DICER1: variants seen among roughly 807,000 people sequenced by gnomAD.
DICER1 encodes dicer 1, ribonuclease III.
Under a neutral mutation model 194.1 loss-of-function variants are expected in DICER1, and 43 were observed. The observed-to-expected ratio is 0.22, with a 90% CI of 0.17 to 0.29. The LOEUF (loss-of-function observed/expected upper bound fraction) is 0.29, where lower values mean the gene tolerates loss of function less well. Ranked by LOEUF, DICER1 falls within the 10% of genes least tolerant of loss-of-function variation. The pLI, the probability that DICER1 is intolerant of heterozygous loss-of-function variation, is 1.00. For synonymous variants in DICER1, 832 were observed against 820.5 expected, an observed-to-expected ratio of 1.01 and a Z score of -0.24; for missense variants, 1,608 against 2,317.0, an observed-to-expected ratio of 0.69 and a Z score of 6.28.
chr14:95,108,123 C>A, intron 15 of DICER1, 30 bp from the exon 16 acceptor site: 1 of 1,514,842 alleles, frequency 6.6e-7, no homozygotes. Context: ...AAGCACCCCT[C>A]AAAATTAACA....
intron 9 of DICER1, among the ~76,000 whole-genome samples, chr14:95,117,103 T>C (rs773939313): frequency 2.6e-5 from 4 of 152,174 alleles, no homozygotes; most frequent in Non-Finnish European, 5.9e-5. Context: ...AGCCAGACCA[T>C]GGTATTAGTT....
intron 1 of DICER1, among the ~76,000 whole-genome samples, chr14:95,135,146 T>C (rs953032609): frequency 2.6e-5 from 4 of 152,214 alleles, no homozygotes; most frequent in Non-Finnish European, 5.9e-5. Context: ...GTCCCATCAC[T>C]GACCTTCTCA....
At chr14:95,102,868 C>T (rs1891007717) in intron 21 of DICER1, among the ~76,000 whole-genome samples, 1 of 152,178 alleles carries the variant, frequency 6.6e-6, no homozygotes, top group South Asian at 2.1e-4. Context: ...TTACTCTTCT[C>T]CGCTCCACTC....
At chr14:95,133,926 TAAAAG>T (rs1894166922) in intron 1 of DICER1, among the ~76,000 whole-genome samples, 1 of 152,190 alleles carries the variant, frequency 6.6e-6, no homozygotes, top group African/African-American at 2.4e-5. Context: ...AATAAACCTT[TAAAAG>T]AAAATATGTA....
intron 8 of DICER1, among the ~76,000 whole-genome samples, chr14:95,118,880 G>A (rs189883685): frequency 1.1e-3 from 174 of 151,704 alleles, no homozygotes; most frequent in African/African-American, 3.7e-3. Flanking sequence ...GATCCCAACC[G>A]GCACAACACT....
At chr14:95,094,303 T>C in intron 23 of DICER1, 147 bp from the exon 24 acceptor site, 4 of 1,051,270 alleles carry the variant, frequency 3.8e-6, no homozygotes, top group South Asian at 3.0e-5. Context: ...TGACATATCA[T>C]ACTAAAAAGC....
rs1891383796 is a variant in DICER1 at position 95,105,976 on chromosome 14, T to A, written c.2987+65A>T. The A allele has an allele frequency of 6.4e-7, 1 of 1,550,696 alleles. No homozygotes were observed. Among genetic ancestry groups the A allele is most frequent in the Non-Finnish European group, 8.9e-7 (1 of 1,122,680 alleles). On this transcript the variant is annotated intron_variant, in intron 18 of 26. Coordinates refer to ENST00000343455, the MANE Select transcript of DICER1 (RefSeq NM_177438.3). The surrounding 1 kb of genome is among the most constrained non-coding windows in gnomAD (Gnocchi z 4.9). ...GGCAGGGGGACAGTGAACCTCTGCA[T>A]GTCTAGTGATGTCTGGTAAGAATCC...
At chr14:95,138,840 A>G (rs1894617101) in intron 1 of DICER1, among the ~76,000 whole-genome samples, 1 of 130,686 alleles carries the variant, frequency 7.7e-6, no homozygotes, top group Non-Finnish European at 1.6e-5. Context: ...GGGGGGAGGG[A>G]TAGCATTGGG....
intron 24 of DICER1, among the ~76,000 whole-genome samples, chr14:95,092,185 G>A (rs936264129): frequency 5.9e-5 from 9 of 152,064 alleles, no homozygotes; most frequent in South Asian, 2.1e-4. Flanking sequence ...ATCAATACAC[G>A]GAAAGTCAGC....
In DICER1 at chr14:95,095,882, T is replaced by C. The variant is rs1060503639; in HGVS notation, c.5038A>G (p.Lys1680Glu). ...EKKINYRFKN[K>E]AYLLQAFTHA... ...GTAAAAGCCTGGAGAAGGTAAGCCT[T>C]ATTCTTGAATCTGTAGTTGATTTTC... Residue 1680 changes from lysine to glutamate, a missense_variant, in exon 23 of 27, where the codon AAG becomes GAG. By Grantham distance (56) the Lys-to-Glu change is moderately conservative. Around this residue, in one of 10 missense-constraint regions of DICER1, gnomAD observed 125 missense variants for 134.9 expected, o/e 0.93. Transcript: ENST00000343455. 5 of 1,614,232 alleles carry C rather than the reference T, an allele frequency of 3.1e-6. No individual in the cohort carries two copies. The highest frequency in any genetic ancestry group is 1.7e-6 in the Non-Finnish European group (2 of 1,180,032).
chr14:95,143,986 C>T (rs1348173847), intron 1 of DICER1, among the ~76,000 whole-genome samples: 2 of 152,090 alleles, frequency 1.3e-5, no homozygotes, highest in Non-Finnish European at 2.9e-5. Flanking sequence ...AACAGCCACA[C>T]TGAAAATGAA....
chr14:95,144,973 A>G (rs1895040849), intron 1 of DICER1, among the ~76,000 whole-genome samples: 1 of 152,320 alleles, frequency 6.6e-6, no homozygotes, highest in African/African-American at 2.4e-5. Context: ...TTTTCTACCA[A>G]TGGTTTCCTC....
chr14:95,141,314 A>G (rs1190328590), intron 1 of DICER1: 5 of 152,256 alleles, frequency 3.3e-5, no homozygotes, highest in Non-Finnish European at 5.9e-5. Context: ...ATAATTCAAG[A>G]ACACTGTTAA....
At chr14:95,151,289 T>G (rs1194728942) in intron 1 of DICER1, among the ~76,000 whole-genome samples, 2 of 152,202 alleles carry the variant, frequency 1.3e-5, no homozygotes, top group Non-Finnish European at 2.9e-5. Context: ...TGTAAAATAT[T>G]GTTCTCAAGC....
At chr14:95,157,067 G>C (rs1895937703) in intron 1 of DICER1, among the ~76,000 whole-genome samples, 163 bp downstream of exon 1, 1 of 151,510 alleles carries the variant, frequency 6.6e-6, no homozygotes, top group African/African-American at 2.4e-5. Context: ...TGTGCGGGAC[G>C]ACGAGGCAGG....
At position 95,103,452 on chromosome 14, in the gene DICER1, A is replaced by G. The variant is rs779909779; in HGVS notation, c.3944T>C (p.Leu1315Pro). 4 of 1,614,218 alleles carry G rather than the reference A, an allele frequency of 2.5e-6. No homozygotes were observed. The highest frequency in any genetic ancestry group is 1.1e-5 in the South Asian group (1 of 91,086). Residue 1315 changes from leucine to proline, a missense_variant, in exon 21 of 27, where the codon CTT (leucine) becomes CCT (proline). Physicochemically the swap from Leu to Pro is moderately conservative, Grantham distance 98. Around this residue, in one of 10 missense-constraint regions of DICER1, gnomAD observed 58 missense variants for 125.7 expected, o/e 0.46. Coordinates refer to ENST00000343455, the MANE Select transcript of DICER1 (RefSeq NM_177438.3). ...TAAAAAGGAGTCGCCAAGCATTTCAAGCCGCTCCAGGTTAAATCCATCACT... is the reference window on the plus strand; with the variant it reads ...TAAAAAGGAGTCGCCAAGCATTTCAGGCCGCTCCAGGTTAAATCCATCACT... Reference protein sequence around the residue: ...NASDGFNLERLEMLGDSFLKH... With the variant: ...NASDGFNLERPEMLGDSFLKH...
Position 95,131,639 on chromosome 14 carries a change from G to A in DICER1, c.308C>T (p.Ala103Val), listed in dbSNP as rs1893961613. Residue 103 changes from alanine (A) to valine (V), a missense_variant and splice_region_variant, in exon 4 of 27, where the codon GCA (alanine) becomes GTA (valine). Around this residue, in one of 10 missense-constraint regions of DICER1, gnomAD observed 657 missense variants for 910.1 expected, o/e 0.72. Transcript: ENST00000343455. ...GKRTVFLVNSANQVAQQVSAV... is the reference protein window; with the variant it reads ...GKRTVFLVNSVNQVAQQVSAV... ...TGACACTTGTTGAGCAACCTGGTTT[G>A]CTAATTACAAATATAATACTCCATG... The A allele has an allele frequency of 6.2e-7, 1 of 1,613,564 alleles. No individual in the cohort carries two copies. The highest frequency in any genetic ancestry group is 8.5e-7 in the Non-Finnish European group (1 of 1,179,558).
upstream of DICER1, chr14:95,157,777 G>C (rs927376308): frequency 9.8e-5 from 15 of 152,324 alleles, no homozygotes; most frequent in African/African-American, 3.6e-4. Context: ...CCCGCGCGCC[G>C]AGGCCGGCTA....
chr14:95,157,808 C>T (rs896775983), upstream of DICER1: 4 of 152,314 alleles, frequency 2.6e-5, no homozygotes, highest in African/African-American at 7.2e-5. Context: ...ACTCTCTGAG[C>T]TCTCGGAATT....
Sources: gnomAD v4.1 joint callset for allele counts (sites outside exome capture counted in the v4.1 genomes callset) on GRCh38, gnomAD v4.1.1 for gene constraint, gnomAD v4.1.1 regional missense constraint, Gnocchi (gnomAD v3.1) non-coding constraint, MANE v1.5 for transcripts, NCBI Gene and HGNC (gene_info 2026-07-23, HGNC 2026-07-21) for gene names.